The following CSMD1 variants were observed in gnomAD, a reference collection of about 807,000 sequenced individuals.
CSMD1 encodes CUB and sushi domain-containing protein 1.
A neutral mutation model predicts 417.5 loss-of-function variants in CSMD1; 213 were observed. That is an observed-to-expected ratio of 0.51 (90% CI 0.46 to 0.57). CSMD1 has a LOEUF of 0.57. Among genes scored for constraint, CSMD1 ranks in the 20% least tolerant of loss-of-function variants. The pLI is 0.00. For missense variants in CSMD1, 6,923 were observed against 4,529.7 expected (o/e 1.53, Z -15.17); for synonymous variants, 2,862 against 1,736.8 (o/e 1.65, Z -16.11).
At chr8:4,647,904 C>T (rs1004430728) in intron 1 of CSMD1, among the ~76,000 whole-genome samples, 7 of 152,188 alleles carry the variant, frequency 4.6e-5, no homozygotes, top group Admixed American at 3.3e-4. Flanking sequence ...TATAGTAGAA[C>T]GATTTATATT....
chr8:4,702,689 T>C (rs1807654401), intron 1 of CSMD1, among the ~76,000 whole-genome samples: 2 of 152,172 alleles, frequency 1.3e-5, no homozygotes, highest in South Asian at 2.1e-4. Context: ...AATACAACCG[T>C]ATTTCTATTG....
chr8:4,104,149 C>T (rs1253526551), intron 3 of CSMD1, among the ~76,000 whole-genome samples: 2 of 152,226 alleles, frequency 1.3e-5, no homozygotes, highest in Non-Finnish European at 1.5e-5. Context: ...TCGTCTGCAG[C>T]AGTTACTGTC....
chr8:3,229,674 T>G (rs572678348), intron 27 of CSMD1, among the ~76,000 whole-genome samples: 1 of 152,198 alleles, frequency 6.6e-6, no homozygotes, highest in Non-Finnish European at 1.5e-5. Flanking sequence ...GTGAGTAGGT[T>G]TTGCTTAAGG....
At chr8:3,057,760 T>C (rs1812332780) in intron 49 of CSMD1, among the ~76,000 whole-genome samples, 1 of 152,190 alleles carries the variant, frequency 6.6e-6, no homozygotes, top group Non-Finnish European at 1.5e-5. Context: ...TCTCATCCCA[T>C]TACTAAAGAT....
intron 3 of CSMD1, among the ~76,000 whole-genome samples, chr8:4,097,156 C>A (rs1221646662): frequency 6.6e-6 from 1 of 152,140 alleles, no homozygotes; most frequent in Non-Finnish European, 1.5e-5. Flanking sequence ...TTCTTTCTGT[C>A]ATGCTTACCA....
intron 3 of CSMD1, among the ~76,000 whole-genome samples, chr8:4,051,788 G>A (rs1316846148): frequency 6.6e-6 from 1 of 152,180 alleles, no homozygotes; most frequent in Non-Finnish European, 1.5e-5. Flanking sequence ...TCCCAGGTGT[G>A]ATGGACACCA....
chr8:3,692,098 A>T (rs765627718), intron 7 of CSMD1, among the ~76,000 whole-genome samples: 14 of 152,144 alleles, frequency 9.2e-5, no homozygotes, highest in Non-Finnish European at 1.8e-4. Flanking sequence ...CCTCTGACTC[A>T]TCTGGAGAGG....
chr8:3,003,159 C>A (rs1241926594), intron 52 of CSMD1, among the ~76,000 whole-genome samples: 1 of 152,164 alleles, frequency 6.6e-6, no homozygotes, highest in Non-Finnish European at 1.5e-5. Context: ...CACAATTTCA[C>A]TCACAGAATA....
chr8:3,156,112 C>T (rs532153170), intron 39 of CSMD1, among the ~76,000 whole-genome samples: 1 of 152,184 alleles, frequency 6.6e-6, no homozygotes, highest in Non-Finnish European at 1.5e-5. Context: ...GTGAATAGCT[C>T]CCAGGACAAT....
At chr8:3,327,960 C>A (rs1806642227) in intron 23 of CSMD1, among the ~76,000 whole-genome samples, 1 of 152,174 alleles carries the variant, frequency 6.6e-6, no homozygotes, top group East Asian at 1.9e-4. Flanking sequence ...TAGCCCTAGC[C>A]CAGAATGCAT....
intron 2 of CSMD1, among the ~76,000 whole-genome samples, chr8:4,622,196 G>T (rs1396622323): frequency 6.6e-6 from 1 of 151,024 alleles, no homozygotes; most frequent in African/African-American, 2.4e-5. Flanking sequence ...AAGAATGGCA[G>T]ACATATTGAC....
At chr8:3,090,304 C>A (rs554355068) in intron 48 of CSMD1, among the ~76,000 whole-genome samples, 1 of 108,562 alleles carries the variant, frequency 9.2e-6, no homozygotes, top group Non-Finnish European at 1.7e-5. Flanking sequence ...GCAACAGAGC[C>A]AGACTGTATT....
chr8:4,572,060 CTCTT>C (rs1798919811), intron 2 of CSMD1, among the ~76,000 whole-genome samples: 1 of 152,186 alleles, frequency 6.6e-6, no homozygotes, highest in Admixed American at 6.5e-5. Flanking sequence ...TGGGTCTTGA[CTCTT>C]TATTCAATTT....
chr8:3,592,177 T>C (rs557201682), intron 8 of CSMD1, among the ~76,000 whole-genome samples: 4 of 152,152 alleles, frequency 2.6e-5, no homozygotes, highest in South Asian at 4.2e-4. Context: ...GGTAGATAGA[T>C]TGACAGATGA....
rs148985068 is a variant in CSMD1, at chr8:4,538,757, T to G, written c.302+98585A>C. Among the ~76,000 whole-genome samples the G allele has an allele frequency of 1.3e-3, 204 of 152,290 alleles. 1 individual carries two copies. Among genetic ancestry groups the G allele is most frequent in the African/African-American group, 4.8e-3 (201 of 41,540 alleles). ...CTCCAAATTATTTGATGAAGGGATT[T>G]GATGAAGTTAGTGTTTACCCATTTT... On this transcript the variant is annotated intron_variant, in intron 2 of 69. Transcript: ENST00000635120.
chr8:4,947,724 G>A (rs547977737), intron 1 of CSMD1, among the ~76,000 whole-genome samples: 70 of 152,128 alleles, frequency 4.6e-4, no homozygotes, highest in African/African-American at 1.6e-3. Context: ...AAAGTTTGTA[G>A]CTGAGTTTGC....
At chr8:3,973,989 G>A (rs1017344522) in intron 5 of CSMD1, among the ~76,000 whole-genome samples, 1 of 152,156 alleles carries the variant, frequency 6.6e-6, no homozygotes, top group East Asian at 1.9e-4. Context: ...CCATTGAGTT[G>A]CAAACAATGC....
At chr8:4,414,628 T>A (rs949586869) in intron 3 of CSMD1, among the ~76,000 whole-genome samples, 5 of 152,176 alleles carry the variant, frequency 3.3e-5, no homozygotes, top group Non-Finnish European at 5.9e-5. Context: ...TGCGTGGGTG[T>A]GTTCACTAGA....
intron 3 of CSMD1, among the ~76,000 whole-genome samples, chr8:4,040,253 A>T (rs536510547): frequency 6.6e-6 from 1 of 152,366 alleles, no homozygotes; most frequent in African/African-American, 2.4e-5. Flanking sequence ...CTGCCTTATC[A>T]TAATAACCGG....
Sources: allele counts gnomAD v4.1 joint callset (sites outside exome capture counted in the v4.1 genomes callset), GRCh38; gene constraint gnomAD v4.1.1; transcripts MANE v1.5; gene names NCBI Gene and HGNC (gene_info 2026-07-23, HGNC 2026-07-21).